Variants in PKHD1 observed in about 807,000 individuals in gnomAD.
The protein encoded by PKHD1 is fibrocystin.
PKHD1 carries 291 observed loss-of-function variants against 412.0 expected under a neutral mutation model. The observed-to-expected ratio is 0.71, with a 90% confidence interval of 0.64 to 0.78. The LOEUF is 0.78. Ranked by LOEUF, PKHD1 falls within the 30% of genes least tolerant of loss-of-function variation. The probability of loss-of-function intolerance (pLI) is 0.00; values close to 1 mark genes in which losing one functional copy is unlikely to be tolerated. For synonymous variants in PKHD1, 1,777 were observed against 1,821.5 expected (o/e 0.98, Z 0.62); for missense variants, 4,825 against 4,950.7 (o/e 0.97, Z 0.76).
At chr6:51,795,902 G>A (rs1794518191) in intron 52 of PKHD1, among the ~76,000 whole-genome samples, 2 of 152,134 alleles carry the variant, frequency 1.3e-5, no homozygotes, top group African/African-American at 4.8e-5. Flanking sequence ...ACTTTTTGAT[G>A]TGCTGCTGTA....
At chr6:52,009,903 C>T (rs1799590789) in intron 35 of PKHD1, among the ~76,000 whole-genome samples, 1 of 151,978 alleles carries the variant, frequency 6.6e-6, no homozygotes. Context: ...CCGAATGGAC[C>T]TGCAGACATT....
chr6:51,855,617 A>G (rs1018785460), intron 49 of PKHD1, among the ~76,000 whole-genome samples: 5 of 152,244 alleles, frequency 3.3e-5, no homozygotes, highest in Non-Finnish European at 7.3e-5. Context: ...TTCTCATTGT[A>G]TTAATAAATT....
rs1775117497 is a variant in PKHD1 at position 51,866,733 on chromosome 6, T to C, written c.7733+1130A>G. On this transcript the variant is annotated intron_variant, in intron 48 of 66. Transcript: ENST00000371117. ...GAAATAAATCACTAATTTTTATAAC[T>C]CTCAAAACACTCATTTAAAACATCC... Among the ~76,000 whole-genome samples the C allele has an allele frequency of 2.0e-5, 3 of 152,136 alleles. No homozygotes were observed. In the South Asian group the frequency reaches 6.2e-4, roughly 32 times the overall value.
Position 52,010,311 on chromosome 6 carries a change from G to C in PKHD1, c.5749C>G (p.Gln1917Glu). ...CTGTAAAAAAGATTTGATTATACCTGAGTGTTCTGGCCCCAGCGTTTCCGT... is the reference window on the plus strand; with the variant it reads ...CTGTAAAAAAGATTTGATTATACCTCAGTGTTCTGGCCCCAGCGTTTCCGT... ...EIRKRWGQNTQGNFSLQFCRR... is the reference protein window; with the variant it reads ...EIRKRWGQNTEGNFSLQFCRR... The change falls in exon 35 of 67, where the codon CAG becomes GAG. Residue 1917 changes from glutamine to glutamate, a missense_variant and splice_region_variant. Coordinates refer to ENST00000371117, the MANE Select transcript of PKHD1 (RefSeq NM_138694.4). 2 of 1,613,228 alleles carry C rather than the reference G, an allele frequency of 1.2e-6. No individual in the cohort carries two copies. The highest frequency in any genetic ancestry group is 1.7e-6 in the Non-Finnish European group (2 of 1,179,396).
At chr6:51,898,040 C>T (rs1364776990) in intron 43 of PKHD1, among the ~76,000 whole-genome samples, 14 of 149,062 alleles carry the variant, frequency 9.4e-5, no homozygotes, top group Admixed American at 5.3e-4. Flanking sequence ...TACAAAGAGA[C>T]TTAGACTCCC....
At chr6:52,045,657 C>T (rs1366538453) in intron 24 of PKHD1, among the ~76,000 whole-genome samples, 6 of 152,164 alleles carry the variant, frequency 3.9e-5, no homozygotes, top group Non-Finnish European at 8.8e-5. Flanking sequence ...TCTAAAATTC[C>T]TTCTGCTATG....
chr6:52,017,361 T>C (rs780162423), intron 34 of PKHD1, 49 bp downstream of exon 34: 4 of 1,332,028 alleles, frequency 3.0e-6, no homozygotes, highest in East Asian at 2.3e-5. Flanking sequence ...CATCGGTCCA[T>C]TGGCCAAGCA....
chr6:52,007,277 T>C (rs1300394497), intron 35 of PKHD1, among the ~76,000 whole-genome samples: 1 of 152,208 alleles, frequency 6.6e-6, no homozygotes, highest in Non-Finnish European at 1.5e-5. Flanking sequence ...CTGTTATCCA[T>C]AGTGATTGTA....
At chr6:51,955,525 A>C (rs1314972646) in intron 36 of PKHD1, among the ~76,000 whole-genome samples, 2 of 152,120 alleles carry the variant, frequency 1.3e-5, no homozygotes, top group African/African-American at 2.4e-5. Flanking sequence ...AGAGAGTTCA[A>C]GACTCTTGAG....
At chr6:51,843,717 C>T (rs1340556597) in intron 50 of PKHD1, among the ~76,000 whole-genome samples, 3 of 152,216 alleles carry the variant, frequency 2.0e-5, no homozygotes, top group Non-Finnish European at 4.4e-5. Context: ...TTGTTTATCA[C>T]ATCAAATATT....
chr6:51,704,842 G>A (rs1030535740), intron 60 of PKHD1, among the ~76,000 whole-genome samples: 2 of 152,062 alleles, frequency 1.3e-5, no homozygotes, highest in African/African-American at 4.8e-5. Context: ...GATAGTTGAA[G>A]GCCTGGGCTT....
chr6:51,677,193 A>T (rs985087256), intron 60 of PKHD1, among the ~76,000 whole-genome samples: 8 of 152,170 alleles, frequency 5.3e-5, no homozygotes, highest in Non-Finnish European at 1.2e-4. Context: ...GAAGTACAAC[A>T]TGTATTCACT....
intron 60 of PKHD1, among the ~76,000 whole-genome samples, chr6:51,704,688 T>C (rs966400458): frequency 6.6e-5 from 10 of 151,654 alleles, no homozygotes; most frequent in African/African-American, 2.4e-4. Flanking sequence ...GGGTGGAGAG[T>C]GTACTGTTGA....
At chr6:51,805,256 T>C (rs2151354751) in intron 52 of PKHD1, among the ~76,000 whole-genome samples, 1 of 152,328 alleles carries the variant, frequency 6.6e-6, no homozygotes, top group African/African-American at 2.4e-5. Flanking sequence ...GAGGCCATTA[T>C]CTTAAACAAA....
At chr6:51,969,923 T>C (rs1793420999) in intron 35 of PKHD1, among the ~76,000 whole-genome samples, 1 of 152,218 alleles carries the variant, frequency 6.6e-6, no homozygotes, top group Non-Finnish European at 1.5e-5. Flanking sequence ...CTTTTTGATA[T>C]AATAATTTCT....
chr6:52,076,588 CATA>C (rs1811360641), intron 5 of PKHD1, among the ~76,000 whole-genome samples: 1 of 152,044 alleles, frequency 6.6e-6, no homozygotes, highest in Non-Finnish European at 1.5e-5. Context: ...TATTCTGTAC[CATA>C]TTGTCCAAAC....
intron 49 of PKHD1, among the ~76,000 whole-genome samples, chr6:51,852,498 G>A (rs1314984973): frequency 6.6e-6 from 1 of 152,098 alleles, no homozygotes; most frequent in African/African-American, 2.4e-5. Flanking sequence ...ACTGACAGTG[G>A]GGTATTAAAG....
chr6:51,866,626 G>A (rs534561590), intron 48 of PKHD1, among the ~76,000 whole-genome samples: 198 of 152,150 alleles, frequency 1.3e-3, no homozygotes, highest in Non-Finnish European at 2.1e-3. Context: ...TCAGGAACAC[G>A]CAGAAATAAA....
At chr6:51,922,909 G>T (rs1433789420) in intron 37 of PKHD1, among the ~76,000 whole-genome samples, 1 of 152,134 alleles carries the variant, frequency 6.6e-6, no homozygotes, top group African/African-American at 2.4e-5. Flanking sequence ...GTGAGGCAAT[G>T]CCCCACCCTG....
Sources: gnomAD v4.1 joint callset for allele counts (sites outside exome capture counted in the v4.1 genomes callset) on GRCh38, gnomAD v4.1.1 for gene constraint, MANE v1.5 for transcripts, NCBI Gene and HGNC (gene_info 2026-07-23, HGNC 2026-07-21) for gene names.